CCDC150: variants seen among roughly 807,000 people sequenced by gnomAD.
CCDC150 encodes coiled-coil domain containing 150.
In CCDC150, 151 loss-of-function variants were observed where a neutral mutation model predicts 156.5. The observed-to-expected ratio is 0.97, with a 90% CI of 0.85 to 1.10. The LOEUF is 1.10. CCDC150 is among the 50% of genes least tolerant of loss of function. CCDC150 has a pLI of 0.00. For missense variants in CCDC150, 1,312 were observed against 1,268.1 expected (o/e 1.03, Z -0.53); for synonymous variants, 452 against 429.4 (o/e 1.05, Z -0.65).
intron 6 of CCDC150, 96 bp from the exon 7 acceptor site, chr2:196,666,623 C>T: frequency 9.9e-7 from 1 of 1,010,818 alleles, no homozygotes; most frequent in Non-Finnish European, 1.4e-6. Context: ...TTCTCAGTGA[C>T]ATTAAGGTTG....
chr2:196,731,102 A>G (rs995998021), intron 26 of CCDC150, among the ~76,000 whole-genome samples, 157 bp downstream of exon 26: 1 of 152,142 alleles, frequency 6.6e-6, no homozygotes, highest in African/African-American at 2.4e-5. Context: ...TATTGTAGAG[A>G]AGAAGTGATT....
chr2:196,729,614 G>C (rs942535669), intron 23 of CCDC150, 179 bp from the exon 24 acceptor site: 28 of 658,094 alleles, frequency 4.3e-5, no homozygotes, highest in Non-Finnish European at 6.3e-5. Context: ...TGTCCCTTCC[G>C]TGTTGATTGT....
At chr2:196,692,078 T>C (rs1314814328) in intron 13 of CCDC150, among the ~76,000 whole-genome samples, 2 of 152,044 alleles carry the variant, frequency 1.3e-5, no homozygotes, top group Non-Finnish European at 2.9e-5. Context: ...CTTTGTTCTC[T>C]AGTTCCTTTA....
At chr2:196,710,452 G>A (rs892206581) in intron 15 of CCDC150, among the ~76,000 whole-genome samples, 4 of 152,166 alleles carry the variant, frequency 2.6e-5, no homozygotes, top group Admixed American at 6.5e-5. Context: ...CCCCCCTTGC[G>A]CTTCCCGGGT....
At chr2:196,650,860 G>A (rs1347271477) in intron 2 of CCDC150, among the ~76,000 whole-genome samples, 1 of 152,158 alleles carries the variant, frequency 6.6e-6, no homozygotes, top group African/African-American at 2.4e-5. Context: ...AAAAGAATGG[G>A]TATTCTGCAT....
intron 21 of CCDC150, among the ~76,000 whole-genome samples, chr2:196,722,250 G>A (rs1173100300): frequency 2.0e-5 from 3 of 152,080 alleles, no homozygotes; most frequent in Non-Finnish European, 4.4e-5. Flanking sequence ...GGGAAATGCA[G>A]TGTGCACGTA....
At chr2:196,680,242 G>T (rs1208063055) in intron 13 of CCDC150, among the ~76,000 whole-genome samples, 1 of 152,082 alleles carries the variant, frequency 6.6e-6, no homozygotes, top group Non-Finnish European at 1.5e-5. Flanking sequence ...AGGTTTTATA[G>T]TAAGTCTGTG....
intron 15 of CCDC150, among the ~76,000 whole-genome samples, chr2:196,704,720 G>A (rs1696483080): frequency 6.6e-6 from 1 of 152,002 alleles, no homozygotes; most frequent in South Asian, 2.1e-4. Flanking sequence ...CCCACGACAG[G>A]CCCCGGGGTG....
intron 13 of CCDC150, among the ~76,000 whole-genome samples, chr2:196,681,778 C>CTATTCAGA (rs1437607373): frequency 4.6e-5 from 7 of 152,020 alleles, no homozygotes; most frequent in African/African-American, 1.7e-4. Flanking sequence ...GGAGAAATGT[C>CTATTCAGA]TATTCAGATC....
intron 13 of CCDC150, among the ~76,000 whole-genome samples, chr2:196,691,428 T>G (rs575333168): frequency 3.3e-5 from 5 of 152,320 alleles, no homozygotes; most frequent in Admixed American, 2.6e-4. Flanking sequence ...TCTTCCTGGT[T>G]AAGTCTTGGG....
intron 13 of CCDC150, among the ~76,000 whole-genome samples, chr2:196,692,672 G>A (rs376349433): frequency 2.2e-4 from 34 of 152,272 alleles, no homozygotes; most frequent in East Asian, 1.2e-3. Flanking sequence ...TAATTTGATC[G>A]TGTTGTGGTC....
chr2:196,679,166 A>G (rs906210114), intron 13 of CCDC150, among the ~76,000 whole-genome samples: 1 of 152,218 alleles, frequency 6.6e-6, no homozygotes, highest in African/African-American at 2.4e-5. Flanking sequence ...AGTCAGGTTA[A>G]TTGTTATAAT....
At chr2:196,654,229 T>A (rs1693051089) in intron 2 of CCDC150, among the ~76,000 whole-genome samples, 1 of 152,230 alleles carries the variant, frequency 6.6e-6, no homozygotes, top group Non-Finnish European at 1.5e-5. Flanking sequence ...ATGGAACTCT[T>A]GAGTTCATCT....
At chr2:196,660,108 G>A (rs551288517) in intron 5 of CCDC150, among the ~76,000 whole-genome samples, 3 of 152,128 alleles carry the variant, frequency 2.0e-5, no homozygotes, top group Admixed American at 6.5e-5. Context: ...ATGCATATGC[G>A]CTTAAAGTTC....
At chr2:196,719,024 C>A (rs1347810142) in intron 18 of CCDC150, among the ~76,000 whole-genome samples, 1 of 152,200 alleles carries the variant, frequency 6.6e-6, no homozygotes, top group Non-Finnish European at 1.5e-5. Context: ...TCCCAAACTT[C>A]TCTTTGTCAG....
At chr2:196,651,063 A>G (rs1692843723) in intron 2 of CCDC150, among the ~76,000 whole-genome samples, 1 of 152,184 alleles carries the variant, frequency 6.6e-6, no homozygotes, top group Admixed American at 6.5e-5. Flanking sequence ...TAGGTTATCC[A>G]ATGTGTTCTC....
At chr2:196,668,840 C>G (rs921542170) in intron 7 of CCDC150, among the ~76,000 whole-genome samples, 4 of 151,742 alleles carry the variant, frequency 2.6e-5, no homozygotes, top group Non-Finnish European at 5.9e-5. Context: ...TCTTTTTTAC[C>G]CTTCATGTAT....
chr2:196,649,646 T>C (rs1370983568), intron 2 of CCDC150, among the ~76,000 whole-genome samples: 1 of 152,216 alleles, frequency 6.6e-6, no homozygotes, highest in Non-Finnish European at 1.5e-5. Context: ...ATTACATAAC[T>C]CATTACTGTA....
chr2:196,713,073 C>A, intron 17 of CCDC150: 1 of 484,424 alleles, frequency 2.1e-6, no homozygotes, highest in Non-Finnish European at 3.6e-6. Context: ...TCATAGAGTT[C>A]TAACCACTTG....
Sources: gnomAD v4.1 joint callset for allele counts (sites outside exome capture counted in the v4.1 genomes callset) on GRCh38, gnomAD v4.1.1 for gene constraint, MANE v1.5 for transcripts, NCBI Gene and HGNC (gene_info 2026-07-23, HGNC 2026-07-21) for gene names.